Variants in SNAP91 observed in about 807,000 individuals in gnomAD.
SNAP91 encodes synaptosome associated protein 91.
SNAP91 carries 27 observed loss-of-function variants against 100.3 expected under a neutral mutation model. That is an observed-to-expected ratio of 0.27 (90% CI 0.20 to 0.37). SNAP91 has a LOEUF of 0.37. Among genes scored for constraint, SNAP91 ranks in the 10% least tolerant of loss-of-function variants. The pLI, the probability that SNAP91 is intolerant of heterozygous loss-of-function variation, is 1.00. For missense variants in SNAP91, 986 were observed against 1,123.7 expected, an observed-to-expected ratio of 0.88 and a Z score of 1.75; for synonymous variants, 404 against 398.6, an observed-to-expected ratio of 1.01 and a Z score of -0.16.
intron 4 of SNAP91, 69 bp from the exon 5 acceptor site, chr6:83,661,673 ATT>A: frequency 2.5e-6 from 2 of 797,542 alleles, no homozygotes; most frequent in South Asian, 2.0e-5. Context: ...GCATAGTACT[ATT>A]TTTTTTTAAC....
intron 22 of SNAP91, among the ~76,000 whole-genome samples, chr6:83,585,796 T>C (rs555787705): frequency 1.6e-4 from 24 of 152,156 alleles, no homozygotes; most frequent in Non-Finnish European, 2.4e-4. Flanking sequence ...ATAGTCTACA[T>C]AGTCTATCTA....
At chr6:83,698,576 A>G (rs1184015285) in intron 2 of SNAP91, among the ~76,000 whole-genome samples, 1 of 152,118 alleles carries the variant, frequency 6.6e-6, no homozygotes, top group Non-Finnish European at 1.5e-5. Flanking sequence ...CAAAAACAAA[A>G]AAGAATACCT....
At chr6:83,648,576 A>G (rs1289253075) in intron 7 of SNAP91, among the ~76,000 whole-genome samples, 1 of 152,196 alleles carries the variant, frequency 6.6e-6, no homozygotes, top group African/African-American at 2.4e-5. Flanking sequence ...TTACATTTCT[A>G]TCAGATGTGT....
chr6:83,708,004 A>AC, intron 1 of SNAP91, 47 bp from the exon 2 acceptor site: 2 of 1,453,016 alleles, frequency 1.4e-6, no homozygotes, highest in Non-Finnish European at 1.8e-6. Context: ...CGCAGACCCT[A>AC]CCCTCCAAGC....
intron 15 of SNAP91, 43 bp from the exon 16 acceptor site, chr6:83,601,481 G>A: frequency 6.2e-7 from 1 of 1,612,800 alleles, no homozygotes; most frequent in Non-Finnish European, 8.5e-7. Context: ...GAGAAGAAAA[G>A]CAAAGGACAA....
intron 2 of SNAP91, among the ~76,000 whole-genome samples, chr6:83,707,426 T>C (rs2099395441): frequency 6.6e-6 from 1 of 151,708 alleles, no homozygotes; most frequent in African/African-American, 2.4e-5. Context: ...GTGCAACCTC[T>C]AATTTCCTCT....
chr6:83,571,174 G>A lies in SNAP91; in HGVS notation c.2442+3836C>T, dbSNP rs527624697. Among the ~76,000 whole-genome samples, 35 of 151,626 alleles carry A rather than the reference G, an allele frequency of 2.3e-4. No homozygotes were observed. The East Asian group carries it at 3.5e-3, about 15-fold the overall frequency. On this transcript the variant is annotated intron_variant, in intron 26 of 29. Coordinates refer to ENST00000369694, the MANE Select transcript of SNAP91 (RefSeq NM_001242792.2). The stretch of plus-strand genomic sequence containing the variant: ...GGCTGGAGTGCAGTGGCACAATCTC[G>A]GCTCACTGCAACCTGCGCCTCCCAG...
At chr6:83,647,589 T>C (rs962999190) in intron 7 of SNAP91, among the ~76,000 whole-genome samples, 11 of 152,172 alleles carry the variant, frequency 7.2e-5, no homozygotes, top group African/African-American at 2.7e-4. Context: ...AATTTGCTAA[T>C]ATTTCATCGA....
At chr6:83,593,076 A>AC in intron 19 of SNAP91, 59 bp from the exon 20 acceptor site, 1 of 1,536,102 alleles carries the variant, frequency 6.5e-7, no homozygotes, top group South Asian at 1.2e-5. Flanking sequence ...AGCTGAAATC[A>AC]AAGTCAAAAA....
At chr6:83,654,339 G>A (rs2098326918) in intron 7 of SNAP91, among the ~76,000 whole-genome samples, 1 of 152,126 alleles carries the variant, frequency 6.6e-6, no homozygotes, top group Non-Finnish European at 1.5e-5. Flanking sequence ...GATCCCAGAA[G>A]AGCTGTTGAT....
chr6:83,554,440 T>C (rs999231598), intron 29 of SNAP91, among the ~76,000 whole-genome samples, 155 bp from the exon 30 acceptor site: 3 of 152,160 alleles, frequency 2.0e-5, no homozygotes, highest in African/African-American at 7.2e-5. Flanking sequence ...ATACTTTTCA[T>C]AGCTCTTTAA....
intron 8 of SNAP91, among the ~76,000 whole-genome samples, chr6:83,631,249 T>C (rs1427387371): frequency 1.3e-5 from 2 of 152,156 alleles, no homozygotes; most frequent in African/African-American, 4.8e-5. Context: ...GAGGGTCATT[T>C]TGTGGCCTCT....
intron 11 of SNAP91, among the ~76,000 whole-genome samples, chr6:83,614,195 A>C (rs1392259898): frequency 3.9e-5 from 6 of 152,210 alleles, no homozygotes; most frequent in Non-Finnish European, 8.8e-5. Context: ...CTTGAATTAC[A>C]AAAGATTTAT....
At chr6:83,635,335 T>C (rs1184052069) in intron 8 of SNAP91, among the ~76,000 whole-genome samples, 1 of 152,240 alleles carries the variant, frequency 6.6e-6, no homozygotes, top group Non-Finnish European at 1.5e-5. Flanking sequence ...TGGGTGTGTA[T>C]ATATTTAGGA....
At position 83,592,443 on chromosome 6, in the gene SNAP91, A is replaced by G. The variant is rs1423449900; in HGVS notation, c.1930+12T>C. ...AAGATTCCTTAAGTGTTGATGGAGG[A>G]GAAATACGCACCCCCAAAAAGGTCT... On this transcript the variant is annotated intron_variant, in intron 21 of 29. Transcript: ENST00000369694. The G allele has an allele frequency of 6.3e-7, 1 of 1,589,360 alleles. No homozygotes were observed. The highest frequency in any genetic ancestry group is 8.6e-7 in the Non-Finnish European group (1 of 1,163,318).
chr6:83,688,504 C>CTTTTTTT (rs1386310059), intron 2 of SNAP91, among the ~76,000 whole-genome samples: 1 of 131,356 alleles, frequency 7.6e-6, no homozygotes, highest in Non-Finnish European at 1.6e-5. Flanking sequence ...CCAAACATCA[C>CTTTTTTT]TTTTTTTTTT....
chr6:83,621,816 A>T (rs1417332505), intron 9 of SNAP91, among the ~76,000 whole-genome samples: 6 of 152,068 alleles, frequency 3.9e-5, no homozygotes, highest in Non-Finnish European at 7.4e-5. Flanking sequence ...GTGTCCATAG[A>T]TGTGAAATAA....
At chr6:83,602,721 T>C (rs1431620105) in intron 14 of SNAP91, among the ~76,000 whole-genome samples, 7 of 152,172 alleles carry the variant, frequency 4.6e-5, no homozygotes, top group African/African-American at 1.7e-4. Context: ...AGCTGACTTT[T>C]CTATTGCTAT....
chr6:83,641,349 TA>T, intron 7 of SNAP91, 147 bp from the exon 8 acceptor site: 2 of 470,852 alleles, frequency 4.2e-6, no homozygotes, highest in South Asian at 8.0e-5. Context: ...TTAAGGCACC[TA>T]AACAAAGGGA....
Sources: allele counts gnomAD v4.1 joint callset (sites outside exome capture counted in the v4.1 genomes callset), GRCh38; gene constraint gnomAD v4.1.1; transcripts MANE v1.5; gene names NCBI Gene and HGNC (gene_info 2026-07-23, HGNC 2026-07-21).